TIAM1: variants seen among roughly 807,000 people sequenced by gnomAD.
TIAM1 encodes rho guanine nucleotide exchange factor TIAM1.
Under a neutral mutation model 163.5 loss-of-function variants are expected in TIAM1, and 65 were observed. That is an observed-to-expected ratio of 0.40 (90% CI 0.33 to 0.49). TIAM1 has a LOEUF of 0.49. Ranked by LOEUF, TIAM1 falls within the 20% of genes least tolerant of loss-of-function variation. The pLI is 0.77. For synonymous variants in TIAM1, 833 were observed against 810.1 expected, an observed-to-expected ratio of 1.03 and a Z score of -0.48; for missense variants, 1,789 against 2,044.7, an observed-to-expected ratio of 0.87 and a Z score of 2.41.
intron 2 of TIAM1, among the ~76,000 whole-genome samples, chr21:31,396,344 G>A (rs78836737): frequency 6.6e-6 from 1 of 152,100 alleles, no homozygotes; most frequent in Non-Finnish European, 1.5e-5. Flanking sequence ...CCCTCTGCCT[G>A]GAATGCTCTT....
intron 8 of TIAM1, among the ~76,000 whole-genome samples, chr21:31,221,530 T>C (rs1244501806): frequency 6.6e-6 from 1 of 152,164 alleles, no homozygotes; most frequent in African/African-American, 2.4e-5. Flanking sequence ...AATTAGAGGG[T>C]CCGAAGATGA....
chr21:31,413,155 T>G lies in TIAM1; in HGVS notation c.-369+50828A>C, dbSNP rs552940760. 8.2e-4 allele frequency among the ~76,000 whole-genome samples: 125 copies of G among 152,310 alleles called. 1 individual carries two copies. The highest frequency in any genetic ancestry group is 8.4e-4 in the Non-Finnish European group (57 of 68,022). On this transcript the variant is annotated intron_variant, in intron 2 of 28. Coordinates refer to the TIAM1 transcript ENST00000286827. ...AATTCTCCTTTCTCAGATGCTTCTG[T>G]TCCTGGATGGGAAGATCTCCCCACA...
rs145748176 is a variant in TIAM1, at chr21:31,463,734, C to T, written c.-369+249G>A. ...TCAGGAGGCCGAGGCAGGGGAATGG[C>T]TTAAACCCAGGAGGCGGAGGTTGCA... On this transcript the variant is annotated intron_variant, in intron 2 of 28. Coordinates refer to the TIAM1 transcript ENST00000286827. Among the ~76,000 whole-genome samples the T allele has an allele frequency of 5.5e-3, 825 of 151,050 alleles. 8 individuals are homozygous for T. Among genetic ancestry groups the T allele is most frequent in the African/African-American group, 0.019 (799 of 41,100 alleles).
chr21:31,471,043 C>G (rs77667893), intron 1 of TIAM1, among the ~76,000 whole-genome samples: 2,877 of 152,312 alleles, frequency 0.019, 86 homozygotes, highest in African/African-American at 0.065. Context: ...GATGCACAAG[C>G]AACAGCAAAA....
intron 2 of TIAM1, among the ~76,000 whole-genome samples, chr21:31,461,706 C>G (rs2045333411): frequency 6.6e-6 from 1 of 152,072 alleles, no homozygotes; most frequent in African/African-American, 2.4e-5. Flanking sequence ...TGCTCTATTG[C>G]CCAAGCTGGA....
At chr21:31,558,717 G>A (rs1387139974) in intron 1 of TIAM1, among the ~76,000 whole-genome samples, 3 of 151,936 alleles carry the variant, frequency 2.0e-5, no homozygotes, top group Admixed American at 1.3e-4. Flanking sequence ...TCTCCTCCCC[G>A]CATCTCCCCA....
At chr21:31,246,199 G>A (rs1050411574) in intron 5 of TIAM1, among the ~76,000 whole-genome samples, 1 of 151,900 alleles carries the variant, frequency 6.6e-6, no homozygotes, top group Non-Finnish European at 1.5e-5. Flanking sequence ...ATACATTTTT[G>A]GTCTAACATC....
intron 2 of TIAM1, among the ~76,000 whole-genome samples, chr21:31,286,352 C>T (rs2073808415): frequency 6.6e-6 from 1 of 151,836 alleles, no homozygotes; most frequent in African/African-American, 2.4e-5. Context: ...CGACTTGGGC[C>T]CAGGAGTTCG....
At chr21:31,124,850 C>T (rs984825792) in intron 26 of TIAM1, among the ~76,000 whole-genome samples, 156 bp from the exon 27 acceptor site, 4 of 152,170 alleles carry the variant, frequency 2.6e-5, no homozygotes, top group African/African-American at 9.7e-5. Flanking sequence ...TGATTTCACG[C>T]CAGTGATAAA....
At chr21:31,419,566 G>A (rs2043492548) in intron 2 of TIAM1, among the ~76,000 whole-genome samples, 1 of 152,110 alleles carries the variant, frequency 6.6e-6, no homozygotes, top group South Asian at 2.1e-4. Context: ...CACTAATTCA[G>A]CAATAATATG....
upstream of TIAM1, among the ~76,000 whole-genome samples, chr21:31,344,611 T>A (rs2076111519): frequency 6.6e-6 from 1 of 152,126 alleles, no homozygotes; most frequent in Admixed American, 6.6e-5. Context: ...CACCAGCCCT[T>A]CAAGGACAGA....
At chr21:31,353,254 T>C (rs2076263471) in intron 2 of TIAM1, among the ~76,000 whole-genome samples, 1 of 152,200 alleles carries the variant, frequency 6.6e-6, no homozygotes. Flanking sequence ...ATTGTAAATA[T>C]TAAATGTTAC....
At chr21:31,501,398 T>C (rs1175971282) in intron 1 of TIAM1, among the ~76,000 whole-genome samples, 2 of 150,656 alleles carry the variant, frequency 1.3e-5, no homozygotes, top group African/African-American at 4.9e-5. Flanking sequence ...GGGGAGAGAG[T>C]CAACGCAAAG....
chr21:31,139,830 T>G (rs1305029092), intron 22 of TIAM1, among the ~76,000 whole-genome samples: 1 of 152,228 alleles, frequency 6.6e-6, no homozygotes, highest in Non-Finnish European at 1.5e-5. Flanking sequence ...AGATCCTGAC[T>G]GTACACTGTC....
intron 1 of TIAM1, among the ~76,000 whole-genome samples, chr21:31,489,530 G>A (rs2046393373): frequency 8.0e-6 from 1 of 124,502 alleles, no homozygotes; most frequent in African/African-American, 3.3e-5. Flanking sequence ...AAGGGAGGGA[G>A]GGAGGGAGGG....
At chr21:31,303,207 A>G (rs1273264393) in intron 2 of TIAM1, among the ~76,000 whole-genome samples, 6 of 152,202 alleles carry the variant, frequency 3.9e-5, no homozygotes, top group Non-Finnish European at 8.8e-5. Flanking sequence ...AAATTTTCCC[A>G]TAGGACACCT....
rs1555902486 is a variant in TIAM1, at chr21:31,243,209, A to AATAT, written c.1584+2275_1584+2278dup. On this transcript the variant is annotated intron_variant, in intron 6 of 27. Transcript: ENST00000541036. ...CTTCATCTCAAAAAAAAAAAAAAAA[A>AATAT]ATATATATATATATATGTATATTTC... Among the ~76,000 whole-genome samples the AATAT allele has an allele frequency of 7.4e-3, 870 of 117,182 alleles. 19 individuals carry two copies. The highest frequency in any genetic ancestry group is 0.028 in the African/African-American group (743 of 26,776). The allele number at this position is 117,182 out of a possible 152,430, so 76.9% of individuals were successfully genotyped here.
In TIAM1 at chr21:31,266,015, T is replaced by C. The variant is rs148576697; in HGVS notation, c.958A>G (p.Thr320Ala). 5.4e-5 allele frequency: 87 copies of C among 1,611,906 alleles called. No homozygotes were observed. The African/African-American group carries it at 1.1e-3, about 20-fold the overall frequency. ...ACAAATTTCAATCACTTTACCTGAGTTGTTTTAGCTCTTCTGCCTTGCATG... is the reference window on the plus strand; with the variant it reads ...ACAAATTTCAATCACTTTACCTGAGCTGTTTTAGCTCTTCTGCCTTGCATG... ...NSMQGRRAKT[T>A]QDVNAGEGSE... Residue 320 changes from threonine (T) to alanine (A), a missense_variant, in exon 4 of 28, where the codon ACT (threonine) becomes GCT (alanine). By Grantham distance (58) the Thr-to-Ala change is moderately conservative. Transcript: ENST00000541036.
chr21:31,427,783 G>A (rs1027796176), intron 2 of TIAM1, among the ~76,000 whole-genome samples: 1 of 152,072 alleles, frequency 6.6e-6, no homozygotes, highest in African/African-American at 2.4e-5. Context: ...GCAGTGAGCT[G>A]TGATCACACC....
Sources: gnomAD v4.1 joint callset for allele counts (sites outside exome capture counted in the v4.1 genomes callset) on GRCh38, gnomAD v4.1.1 for gene constraint, MANE v1.5 for transcripts, NCBI Gene and HGNC (gene_info 2026-07-23, HGNC 2026-07-21) for gene names.